The following RAB31 variants were observed in gnomAD, a reference collection of about 807,000 sequenced individuals.
The protein encoded by RAB31 is ras-related protein Rab-31.
Under a neutral mutation model 25.6 loss-of-function variants are expected in RAB31, and 21 were observed. That is an observed-to-expected ratio of 0.82 (90% CI 0.58 to 1.18). The LOEUF is 1.18. Ranked by LOEUF, RAB31 falls within the 50% of genes most tolerant of loss-of-function variation. The pLI is 0.00. For synonymous variants in RAB31, 87 were observed against 84.0 expected, an observed-to-expected ratio of 1.04 and a Z score of -0.20; for missense variants, 196 against 250.1, an observed-to-expected ratio of 0.78 and a Z score of 1.46.
chr18:9,833,204 A>G lies in RAB31; in HGVS notation c.381-12378A>G, dbSNP rs2068687995. 2.0e-5 allele frequency among the ~76,000 whole-genome samples: 3 copies of G among 152,232 alleles called. No homozygotes were observed. In the South Asian group the frequency reaches 6.2e-4, roughly 31 times the overall value. ...GGAAGGCCGGATGGCTGCTGTATCCACTGAGACAGCGCTCCAGCCGCTCCG... is the reference window on the plus strand; with the variant it reads ...GGAAGGCCGGATGGCTGCTGTATCCGCTGAGACAGCGCTCCAGCCGCTCCG... On this transcript the variant is annotated intron_variant, in intron 5 of 6. Transcript: ENST00000578921.
At position 9,860,960 on chromosome 18, in the gene RAB31, C is replaced by T. The variant is rs1041031340; in HGVS notation, c.*1635C>T. 2 of 152,102 alleles carry T rather than the reference C, an allele frequency of 1.3e-5. No individual in the cohort carries two copies. The highest frequency in any genetic ancestry group is 2.9e-5 in the Non-Finnish European group (2 of 68,030). 9.4% of individuals were successfully genotyped at this position (152,102 alleles called of 1,614,324 possible). A position where few individuals can be genotyped will look rare whatever the true frequency, so the allele number is the denominator to read the frequency against. On this transcript the variant is annotated 3_prime_UTR_variant, in exon 7 of 7. Transcript: ENST00000578921. ...CCACTTGGCTCTCCCAAATAGGTAC[C>T]TCAAAAACTGTTAGCAAGCGGCATT...
chr18:9,802,017 T>C (rs1451506013), intron 3 of RAB31, among the ~76,000 whole-genome samples: 1 of 152,218 alleles, frequency 6.6e-6, no homozygotes, highest in Non-Finnish European at 1.5e-5. Context: ...GACTCTGAGT[T>C]CTATTCCTTT....
chr18:9,729,414 C>A (rs1390244421), intron 1 of RAB31, among the ~76,000 whole-genome samples: 1 of 151,746 alleles, frequency 6.6e-6, no homozygotes, highest in Non-Finnish European at 1.5e-5. Context: ...GTAGTCCCAG[C>A]TACTCAGGAG....
At chr18:9,824,963 C>A (rs943362581) in intron 5 of RAB31, among the ~76,000 whole-genome samples, 14 of 152,230 alleles carry the variant, frequency 9.2e-5, no homozygotes, top group African/African-American at 3.1e-4. Context: ...AACCCCCCGT[C>A]CTTCCTGCCG....
At chr18:9,858,912 C>T (rs545321920) in intron 6 of RAB31, among the ~76,000 whole-genome samples, 12 of 152,190 alleles carry the variant, frequency 7.9e-5, no homozygotes, top group Admixed American at 2.0e-4. Context: ...CGCTGATGAG[C>T]GGAGGCTGGA....
chr18:9,824,684 T>C (rs1391768215), intron 5 of RAB31, among the ~76,000 whole-genome samples: 1 of 152,210 alleles, frequency 6.6e-6, no homozygotes, highest in Non-Finnish European at 1.5e-5. Flanking sequence ...TTCCAGAAGA[T>C]GGTATAAAGG....
rs766556589 is a variant in RAB31 at position 9,859,374 on chromosome 18, TG to T, written c.*50del. ...CTTGAAGAAGCCAGAGCCCACATCCTGTGCACTGCTGAAGGACCCTACGCTC... is the reference window on the plus strand; with the variant it reads ...CTTGAAGAAGCCAGAGCCCACATCCTTGCACTGCTGAAGGACCCTACGCTC... On this transcript the variant is annotated 3_prime_UTR_variant, in exon 7 of 7. Coordinates refer to ENST00000578921, the MANE Select transcript of RAB31 (RefSeq NM_006868.4). 58 of 1,505,796 alleles carry T rather than the reference TG, an allele frequency of 3.9e-5. 1 individual carries two copies. The East Asian group carries it at 6.1e-4, about 16-fold the overall frequency. The allele number at this position is 1,505,796 out of a possible 1,614,324, so 93.3% of individuals were successfully genotyped here.
chr18:9,825,317 G>C (rs2068644416), intron 5 of RAB31, among the ~76,000 whole-genome samples: 1 of 152,076 alleles, frequency 6.6e-6, no homozygotes, highest in South Asian at 2.1e-4. Flanking sequence ...ATTGGCCTAG[G>C]GTCTAAATAG....
At chr18:9,763,198 G>A (rs2068297983) in intron 1 of RAB31, among the ~76,000 whole-genome samples, 1 of 152,004 alleles carries the variant, frequency 6.6e-6, no homozygotes, top group African/African-American at 2.4e-5. Context: ...GCCGTAACAT[G>A]TGTCCTTGGA....
intron 6 of RAB31, among the ~76,000 whole-genome samples, chr18:9,857,009 T>C (rs1218857071): frequency 6.6e-6 from 1 of 152,146 alleles, no homozygotes; most frequent in Admixed American, 6.5e-5. Flanking sequence ...AAGAATAGCA[T>C]GTCCAGAAAA....
intron 3 of RAB31, among the ~76,000 whole-genome samples, chr18:9,812,180 C>T (rs904023681): frequency 6.6e-6 from 1 of 152,166 alleles, no homozygotes; most frequent in African/African-American, 2.4e-5. Flanking sequence ...AGGGCCCCAC[C>T]TCCTAATACC....
chr18:9,737,929 C>T (rs1241303779), intron 1 of RAB31, among the ~76,000 whole-genome samples: 1 of 152,158 alleles, frequency 6.6e-6, no homozygotes, highest in Non-Finnish European at 1.5e-5. Flanking sequence ...TTTGTCTGCC[C>T]CCCACGCTAA....
chr18:9,789,901 A>G (rs1358238413), intron 2 of RAB31, among the ~76,000 whole-genome samples: 2 of 152,302 alleles, frequency 1.3e-5, no homozygotes, highest in East Asian at 1.9e-4. Context: ...CTCTCTAACT[A>G]TTATTAGCCT....
chr18:9,773,969 A>G (rs566926866), intron 1 of RAB31, among the ~76,000 whole-genome samples: 3 of 151,974 alleles, frequency 2.0e-5, no homozygotes, highest in South Asian at 2.1e-4. Context: ...CCATATTTTA[A>G]ATTTCTAAGA....
intron 6 of RAB31, among the ~76,000 whole-genome samples, chr18:9,848,395 TC>T (rs1247388092): frequency 6.6e-6 from 1 of 152,208 alleles, no homozygotes; most frequent in African/African-American, 2.4e-5. Context: ...TAGTCATCTG[TC>T]TATCTAGCCA....
At chr18:9,741,696 A>AGG (rs2068180142) in intron 1 of RAB31, among the ~76,000 whole-genome samples, 1 of 152,308 alleles carries the variant, frequency 6.6e-6, no homozygotes, top group Non-Finnish European at 1.5e-5. Context: ...GGCTGTGGGC[A>AGG]GGGGTGGAGG....
chr18:9,791,902 C>T (rs1006977731), intron 2 of RAB31, among the ~76,000 whole-genome samples: 4 of 152,188 alleles, frequency 2.6e-5, no homozygotes, highest in Non-Finnish European at 4.4e-5. Context: ...CGCGCCTGGC[C>T]AGAAACAGTC....
intron 5 of RAB31, among the ~76,000 whole-genome samples, chr18:9,841,838 A>T (rs1165506790): frequency 6.6e-6 from 1 of 152,194 alleles, no homozygotes. Context: ...ATGGCTACTG[A>T]AGATTTCAGC....
intron 2 of RAB31, chr18:9,787,555 T>A: frequency 5.3e-6 from 1 of 189,030 alleles, no homozygotes; most frequent in Non-Finnish European, 1.2e-5. Context: ...CAGTGTGCAG[T>A]CAGCACTTAC....
Sources: allele counts gnomAD v4.1 joint callset (sites outside exome capture counted in the v4.1 genomes callset), GRCh38; gene constraint gnomAD v4.1.1; transcripts MANE v1.5; gene names NCBI Gene and HGNC (gene_info 2026-07-23, HGNC 2026-07-21).